Variants in DSCAML1 observed in about 807,000 individuals in gnomAD.
The protein encoded by DSCAML1 is DS cell adhesion molecule like 1.
Under a neutral mutation model 200.5 loss-of-function variants are expected in DSCAML1, and 38 were observed. That is an observed-to-expected ratio of 0.19 (90% CI 0.15 to 0.25). The LOEUF is 0.25. Ranked by LOEUF, DSCAML1 falls within the 10% of genes least tolerant of loss-of-function variation. DSCAML1 has a pLI of 1.00. For synonymous variants in DSCAML1, 1,215 were observed against 1,165.0 expected (o/e 1.04, Z -0.87); for missense variants, 2,223 against 2,858.8 (o/e 0.78, Z 5.07).
chr11:117,565,208 A>T (rs776772417), intron 3 of DSCAML1, among the ~76,000 whole-genome samples: 1 of 152,194 alleles, frequency 6.6e-6, no homozygotes, highest in Non-Finnish European at 1.5e-5. Context: ...CTAAAGGTAC[A>T]TCGTTTTGGG....
intron 3 of DSCAML1, among the ~76,000 whole-genome samples, chr11:117,640,398 G>A (rs1254004052): frequency 1.3e-5 from 2 of 152,206 alleles, no homozygotes; most frequent in Non-Finnish European, 2.9e-5. Context: ...GGAGTGGGGA[G>A]ATTGTTGCTC....
chr11:117,804,495 A>G (rs186027425), intron 1 of DSCAML1, among the ~76,000 whole-genome samples: 127 of 152,338 alleles, frequency 8.3e-4, no homozygotes, highest in African/African-American at 2.9e-3. Context: ...TCTGGACAAA[A>G]TGACAGCTAT....
At chr11:117,557,345 G>C (rs1437617393) in intron 3 of DSCAML1, among the ~76,000 whole-genome samples, 1 of 152,098 alleles carries the variant, frequency 6.6e-6, no homozygotes, top group African/African-American at 2.4e-5. Context: ...CTAAGGTGCA[G>C]GAAAGAAGGC....
At position 117,589,463 on chromosome 11, in the gene DSCAML1, G is replaced by A. The variant is rs182843653; in HGVS notation, c.512-56941C>T. 1.8e-3 allele frequency among the ~76,000 whole-genome samples: 273 copies of A among 152,232 alleles called. 2 individuals carry two copies. Among genetic ancestry groups the A allele is most frequent in the African/African-American group, 6.1e-3 (253 of 41,528 alleles). ...CATTAATATAAATTGTTTGCAGTAG[G>A]CAAATTAATTCTAGAAATGGTTCTT... On this transcript the variant is annotated intron_variant, in intron 3 of 32. Coordinates refer to ENST00000651296, the MANE Select transcript of DSCAML1 (RefSeq NM_020693.4).
intron 3 of DSCAML1, among the ~76,000 whole-genome samples, chr11:117,747,913 CAG>C (rs1565260788): frequency 6.6e-6 from 1 of 152,098 alleles, no homozygotes; most frequent in Non-Finnish European, 1.5e-5. Context: ...ATGACTTTAC[CAG>C]GAAAGGAGCC....
chr11:117,796,962 C>A (rs1415967841), intron 1 of DSCAML1, 72 bp downstream of exon 1: 3 of 1,176,408 alleles, frequency 2.6e-6, no homozygotes, highest in East Asian at 6.9e-5. Context: ...CCGCCGGGCA[C>A]CCCGCCTCGC....
chr11:117,723,690 T>C (rs936418027), intron 3 of DSCAML1, among the ~76,000 whole-genome samples: 4 of 152,168 alleles, frequency 2.6e-5, no homozygotes, highest in African/African-American at 9.6e-5. Context: ...TCCCCTGTTT[T>C]TCCCCCTTGA....
chr11:117,466,212 T>A (rs1275901430), intron 16 of DSCAML1, among the ~76,000 whole-genome samples: 2 of 151,968 alleles, frequency 1.3e-5, no homozygotes, highest in Non-Finnish European at 2.9e-5. Flanking sequence ...CACCAGGAGA[T>A]GAGTGGAGAA....
At chr11:117,436,294 C>T (rs2047914001) in intron 26 of DSCAML1, among the ~76,000 whole-genome samples, 1 of 152,174 alleles carries the variant, frequency 6.6e-6, no homozygotes, top group South Asian at 2.1e-4. Context: ...CCTGGGGCTC[C>T]TGTGGGGAAG....
At chr11:117,797,813 G>T (rs1039171608), upstream of DSCAML1, among the ~76,000 whole-genome samples, 2 of 151,814 alleles carry the variant, frequency 1.3e-5, no homozygotes, top group African/African-American at 2.4e-5. Context: ...TATTTAAACG[G>T]TTATTCACAA....
At position 117,545,103 on chromosome 11, in the gene DSCAML1, G is replaced by A. The variant is rs192688682; in HGVS notation, c.512-12581C>T. Among the ~76,000 whole-genome samples the A allele has an allele frequency of 2.3e-3, 350 of 152,136 alleles. 2 individuals carry two copies. The highest frequency in any genetic ancestry group is 7.9e-3 in the African/African-American group (328 of 41,508). On this transcript the variant is annotated intron_variant, in intron 3 of 32. Transcript: ENST00000651296. ...AAACTAGCTGGGCGTGGTGGCGGGC[G>A]CCTGTAATCCCAGATACTCGGGAGG...
At chr11:117,626,646 G>A (rs995664766) in intron 3 of DSCAML1, among the ~76,000 whole-genome samples, 3 of 152,040 alleles carry the variant, frequency 2.0e-5, no homozygotes, top group African/African-American at 7.2e-5. Context: ...GCGGATTCTC[G>A]AGCTGTACCC....
At chr11:117,619,365 G>A (rs2051878885) in intron 3 of DSCAML1, among the ~76,000 whole-genome samples, 1 of 152,210 alleles carries the variant, frequency 6.6e-6, no homozygotes, top group Admixed American at 6.5e-5. Flanking sequence ...GAGTGCCCCT[G>A]GGTCAGGAGG....
At position 117,503,704 on chromosome 11, in the gene DSCAML1, G is replaced by T; in HGVS notation, c.2359+141C>A. 1 of 1,020,976 alleles carries T rather than the reference G, an allele frequency of 9.8e-7. No individual in the cohort carries two copies. Among genetic ancestry groups the T allele is most frequent in the Non-Finnish European group, 1.4e-6 (1 of 717,322 alleles). The allele number at this position is 1,020,976 out of a possible 1,614,324, so 63.2% of individuals were successfully genotyped here. On this transcript the variant is annotated intron_variant, in intron 11 of 32. Coordinates refer to ENST00000651296, the MANE Select transcript of DSCAML1 (RefSeq NM_020693.4). This position sits in a 1 kb window ranked among gnomAD's most constrained non-coding sequence, Gnocchi z 5.2. ...TGAATGCCCCATCCAAGGGTCCCAA[G>T]GCCACCTCTCACTAGGAAGCCTTCC...
Position 117,471,975 on chromosome 11 carries a change from A to G in DSCAML1, c.2847T>C (p.Ile949=), listed in dbSNP as rs372781597. 3 of 1,614,088 alleles carry G rather than the reference A, an allele frequency of 1.9e-6. No individual in the cohort carries two copies. The highest frequency in any genetic ancestry group is 2.5e-6 in the Non-Finnish European group (3 of 1,180,012). The change falls in exon 15 of 33, where the codon ATT becomes ATC. Residue 949 remains isoleucine (I), a synonymous_variant. Coordinates refer to ENST00000651296, the MANE Select transcript of DSCAML1 (RefSeq NM_020693.4). ...NISPTINQAN[I]VDLHPASVYS... is the part of the protein sequence containing the mutation. ...ACACAGATGCCGGGTGCAAGTCCAC[A>G]ATGTTGGCCTGGTTGATGGTGGGGG...
chr11:117,720,898 G>A lies in DSCAML1; in HGVS notation c.511+55893C>T, dbSNP rs115664455. On this transcript the variant is annotated intron_variant, in intron 3 of 32. Coordinates refer to ENST00000651296, the MANE Select transcript of DSCAML1 (RefSeq NM_020693.4). ...TTAACCATCATTAACCTGAGGTTAC[G>A]CTGAGTCCTACATGAGGGACAGGCA... 3.2e-3 allele frequency among the ~76,000 whole-genome samples: 487 copies of A among 152,284 alleles called. 3 individuals carry two copies. Among genetic ancestry groups the A allele is most frequent in the African/African-American group, 9.7e-3 (403 of 41,558 alleles).
At chr11:117,791,890 C>G (rs34336740) in intron 1 of DSCAML1, among the ~76,000 whole-genome samples, 26,267 of 152,210 alleles carry the variant, frequency 0.17, 2,439 homozygotes, top group Middle Eastern at 0.27. Context: ...TAACTATGTT[C>G]TGGCTACTTG....
At chr11:117,539,752 C>T (rs998116924) in intron 3 of DSCAML1, among the ~76,000 whole-genome samples, 2 of 151,766 alleles carry the variant, frequency 1.3e-5, no homozygotes, top group Non-Finnish European at 2.9e-5. Flanking sequence ...AATTACTATA[C>T]GATCCAGTGA....
chr11:117,772,999 T>C (rs1197045905), intron 3 of DSCAML1, among the ~76,000 whole-genome samples: 1 of 152,182 alleles, frequency 6.6e-6, no homozygotes, highest in African/African-American at 2.4e-5. Context: ...TTGGGCTGTT[T>C]CTCCAGACTC....
Sources: gnomAD v4.1 joint callset for allele counts (sites outside exome capture counted in the v4.1 genomes callset) on GRCh38, gnomAD v4.1.1 for gene constraint, Gnocchi (gnomAD v3.1) non-coding constraint, MANE v1.5 for transcripts, NCBI Gene and HGNC (gene_info 2026-07-23, HGNC 2026-07-21) for gene names.